Variants in OTUD7B observed in about 807,000 individuals in gnomAD.
OTUD7B encodes the protein OTU domain-containing protein 7B.
Under a neutral mutation model 82.2 loss-of-function variants are expected in OTUD7B, and 34 were observed. The observed-to-expected ratio is 0.41, with a 90% confidence interval of 0.31 to 0.55. The LOEUF (loss-of-function observed/expected upper bound fraction) is 0.55, where lower values mean the gene tolerates loss of function less well. Ranked by LOEUF, OTUD7B falls within the 20% of genes least tolerant of loss-of-function variation. The pLI is 0.20. For synonymous variants in OTUD7B, 398 were observed against 402.7 expected (o/e 0.99, Z 0.14); for missense variants, 944 against 1,062.1 (o/e 0.89, Z 1.55).
intron 7 of OTUD7B, among the ~76,000 whole-genome samples, chr1:149,951,253 G>A (rs1199059199): frequency 6.6e-6 from 1 of 152,002 alleles, no homozygotes; most frequent in African/African-American, 2.4e-5. Flanking sequence ...TTACAGGCGT[G>A]AGCCACTGTG....
At chr1:150,027,345 G>A in the OTUD7B span, among the ~76,000 whole-genome samples, 9 of 152,142 alleles carry the variant, frequency 5.9e-5, no homozygotes, top group Admixed American at 5.9e-4. Flanking sequence ...CAGCACTTTG[G>A]GAGGCTGAGG....
At chr1:149,977,664 G>A (rs1553778905) in intron 1 of OTUD7B, 88 bp from the exon 2 acceptor site, 2 of 600,604 alleles carry the variant, frequency 3.3e-6, no homozygotes, top group East Asian at 2.8e-5. Context: ...ACCAAATGGG[G>A]AAACTATCCT....
At chr1:150,055,418 A>G in the OTUD7B span, among the ~76,000 whole-genome samples, 1 of 152,172 alleles carries the variant, frequency 6.6e-6, no homozygotes, top group East Asian at 1.9e-4. Flanking sequence ...GAGATTGCAG[A>G]GAAAAGGGAA....
the OTUD7B span, among the ~76,000 whole-genome samples, chr1:150,061,344 C>T: frequency 6.6e-6 from 1 of 152,218 alleles, no homozygotes; most frequent in African/African-American, 2.4e-5. Flanking sequence ...TTTTGAGAGT[C>T]AACCATATGG....
chr1:149,951,001 T>TTTTG (rs1388877490), intron 7 of OTUD7B, among the ~76,000 whole-genome samples: 54,058 of 63,934 alleles, frequency 0.85, 25,715 homozygotes, highest in South Asian at 0.92. Flanking sequence ...TTTTTTTTTG[T>TTTTG]AGATGGAGTC....
At chr1:150,061,055 A>ATT in the OTUD7B span, among the ~76,000 whole-genome samples, 4 of 152,098 alleles carry the variant, frequency 2.6e-5, no homozygotes, top group African/African-American at 4.8e-5. Context: ...AACAAAAAAA[A>ATT]TTTTTTTTGT....
At chr1:150,053,537 C>A in the OTUD7B span, among the ~76,000 whole-genome samples, 1 of 151,990 alleles carries the variant, frequency 6.6e-6, no homozygotes. Context: ...GCCGAGATTA[C>A]AGGCATGTGC....
At chr1:150,033,825 G>A in the OTUD7B span, among the ~76,000 whole-genome samples, 5 of 152,050 alleles carry the variant, frequency 3.3e-5, no homozygotes, top group African/African-American at 7.2e-5. Flanking sequence ...AGGTTTAAGC[G>A]ATTCTCCTGC....
At chr1:150,009,270 AC>A (rs1439950431) in intron 1 of OTUD7B, among the ~76,000 whole-genome samples, 1 of 152,322 alleles carries the variant, frequency 6.6e-6, no homozygotes, top group East Asian at 1.9e-4. Flanking sequence ...TTCAGAAGTT[AC>A]ATAGCATAGA....
At chr1:149,967,691 A>G (rs1649611757) in intron 3 of OTUD7B, among the ~76,000 whole-genome samples, 170 bp from the exon 4 acceptor site, 1 of 152,224 alleles carries the variant, frequency 6.6e-6, no homozygotes, top group African/African-American at 2.4e-5. Flanking sequence ...AATTGGAGAA[A>G]TAGAGACAGT....
upstream of OTUD7B, among the ~76,000 whole-genome samples, chr1:150,015,290 C>CTT (rs60374988): frequency 2.3e-5 from 3 of 128,972 alleles, no homozygotes; most frequent in Non-Finnish European, 4.6e-5. Flanking sequence ...TTTTCTTTCT[C>CTT]TTTTTTTTTT....
chr1:149,998,433 T>G (rs1196619263), intron 1 of OTUD7B, among the ~76,000 whole-genome samples: 2 of 152,244 alleles, frequency 1.3e-5, no homozygotes, highest in African/African-American at 4.8e-5. Flanking sequence ...TTTACTGATC[T>G]TATTGCCCTC....
the OTUD7B span, among the ~76,000 whole-genome samples, chr1:150,021,149 T>A: frequency 3.3e-5 from 5 of 152,252 alleles, no homozygotes; most frequent in Non-Finnish European, 7.3e-5. Flanking sequence ...CACACACCCC[T>A]AACAATTGTT....
the OTUD7B span, among the ~76,000 whole-genome samples, chr1:150,046,957 G>C: frequency 3.9e-5 from 6 of 152,140 alleles, no homozygotes; most frequent in African/African-American, 1.4e-4. Context: ...TGTAATCCCA[G>C]CTACTGGGGA....
intron 7 of OTUD7B, among the ~76,000 whole-genome samples, chr1:149,950,788 TG>T (rs1553773208): frequency 1.0e-3 from 1 of 982 alleles, no homozygotes; most frequent in African/African-American, 5.4e-3. Context: ...GTGTGTTTTT[TG>T]TTTTTTTTTC....
intron 1 of OTUD7B, among the ~76,000 whole-genome samples, chr1:150,000,631 A>G (rs1273990015): frequency 6.6e-6 from 1 of 152,162 alleles, no homozygotes; most frequent in Non-Finnish European, 1.5e-5. Context: ...AAAAGGATAC[A>G]TACATGATCC....
the OTUD7B span, among the ~76,000 whole-genome samples, chr1:150,062,713 T>TC: frequency 7.1e-6 from 1 of 140,236 alleles, no homozygotes; most frequent in Non-Finnish European, 1.6e-5. Context: ...TCTTTCTTTT[T>TC]TTTTTTTTTT....
At chr1:150,019,105 G>A in the OTUD7B span, among the ~76,000 whole-genome samples, 3 of 152,244 alleles carry the variant, frequency 2.0e-5, no homozygotes, top group South Asian at 6.2e-4. Flanking sequence ...TCAGAATCTA[G>A]GTTAGCATTT....
intron 7 of OTUD7B, among the ~76,000 whole-genome samples, chr1:149,955,086 C>G (rs587622666): frequency 6.6e-6 from 1 of 152,252 alleles, no homozygotes; most frequent in African/African-American, 2.4e-5. Flanking sequence ...CTTCTGCTAG[C>G]TTTTGAATGT....
Sources: gnomAD v4.1 joint callset for allele counts (sites outside exome capture counted in the v4.1 genomes callset) on GRCh38, gnomAD v4.1.1 for gene constraint, MANE v1.5 for transcripts, NCBI Gene and HGNC (gene_info 2026-07-23, HGNC 2026-07-21) for gene names.